The following BTG3 variants were observed in gnomAD, a reference collection of about 807,000 sequenced individuals.
BTG3 encodes protein BTG3.
A neutral mutation model predicts 25.8 loss-of-function variants in BTG3; 4 were observed. The ratio of observed to expected loss-of-function variants is 0.16; its 90% CI spans 0.08 to 0.36. The LOEUF (loss-of-function observed/expected upper bound fraction) is 0.36, where lower values mean the gene tolerates loss of function less well. Among genes scored for constraint, BTG3 ranks in the 10% least tolerant of loss-of-function variants. BTG3 has a pLI of 1.00. For synonymous variants in BTG3, 107 were observed against 99.9 expected (o/e 1.07, Z -0.42); for missense variants, 201 against 304.9 (o/e 0.66, Z 2.54).
At chr21:17,608,293 A>G (rs1191916381) in intron 2 of BTG3, among the ~76,000 whole-genome samples, 1 of 152,084 alleles carries the variant, frequency 6.6e-6, no homozygotes, top group Non-Finnish European at 1.5e-5. Flanking sequence ...GGATTGCTTG[A>G]GCCCAGGAGT....
intron 1 of BTG3, among the ~76,000 whole-genome samples, chr21:17,609,630 C>T (rs557439916): frequency 6.6e-6 from 1 of 152,338 alleles, no homozygotes; most frequent in East Asian, 1.9e-4. Flanking sequence ...AGGTTAAACA[C>T]AGAGTTATCA....
intron 2 of BTG3, 186 bp downstream of exon 2, chr21:17,608,786 A>T: frequency 3.8e-6 from 2 of 528,026 alleles, no homozygotes; most frequent in Non-Finnish European, 6.2e-6. Flanking sequence ...AGGCAGTGGG[A>T]CTCCACCACT....
intron 4 of BTG3, among the ~76,000 whole-genome samples, 161 bp downstream of exon 4, chr21:17,598,456 T>C (rs867135621): frequency 6.6e-6 from 1 of 152,174 alleles, no homozygotes; most frequent in Non-Finnish European, 1.5e-5. Flanking sequence ...AGGATGCCTA[T>C]TTACGTGCCA....
chr21:17,607,622 T>A (rs1379283019), intron 2 of BTG3, among the ~76,000 whole-genome samples: 1 of 151,898 alleles, frequency 6.6e-6, no homozygotes, highest in Non-Finnish European at 1.5e-5. Flanking sequence ...TTTAGACTCC[T>A]TGAATAGTGC....
rs146577864 is a variant in BTG3 at position 17,604,625 on chromosome 21, C to G, written c.311+235G>C. Reference sequence around the variant, plus strand: ...TCTTGGTCTACAATAAGCTTCTTGGCAAAGCACTACTAGAAAACCCCCGCC... The same window carrying G: ...TCTTGGTCTACAATAAGCTTCTTGGGAAAGCACTACTAGAAAACCCCCGCC... On this transcript the variant is annotated intron_variant, in intron 3 of 4. Coordinates refer to ENST00000348354, the MANE Select transcript of BTG3 (RefSeq NM_006806.5). Among the ~76,000 whole-genome samples, 125 of 152,270 alleles carry G rather than the reference C, an allele frequency of 8.2e-4. 1 individual carries two copies. Among genetic ancestry groups the G allele is most frequent in the African/African-American group, 2.7e-3 (114 of 41,540 alleles).
chr21:17,605,181 G>GA (rs2061622919), intron 2 of BTG3, 184 bp from the exon 3 acceptor site: 15 of 633,132 alleles, frequency 2.4e-5, no homozygotes, highest in South Asian at 2.1e-4. Context: ...GAGGCAGCCT[G>GA]AAAAAAAGAT....
chr21:17,599,132 T>C (rs923443924), intron 3 of BTG3: 2 of 267,272 alleles, frequency 7.5e-6, no homozygotes, highest in African/African-American at 4.5e-5. Flanking sequence ...TTTGATTACA[T>C]TTTTGTATGT....
chr21:17,612,470 C>T (rs1314448737), intron 1 of BTG3: 1 of 152,184 alleles, frequency 6.6e-6, no homozygotes, highest in Non-Finnish European at 1.5e-5. Flanking sequence ...TCCTCAGGCG[C>T]CCGCCGAGGG....
chr21:17,604,080 TAGG>T, intron 3 of BTG3: 2 of 1,216,806 alleles, frequency 1.6e-6, no homozygotes, highest in African/African-American at 1.6e-5. Context: ...CTCTATTCAT[TAGG>T]AGATGTGAAA....
At chr21:17,609,693 T>G (rs2061692600) in intron 1 of BTG3, among the ~76,000 whole-genome samples, 1 of 152,178 alleles carries the variant, frequency 6.6e-6, no homozygotes, top group East Asian at 1.9e-4. Flanking sequence ...AAAACATATG[T>G]CCACACCAAA....
chr21:17,596,066 T>A (rs1376952878), intron 4 of BTG3, among the ~76,000 whole-genome samples: 1 of 152,076 alleles, frequency 6.6e-6, no homozygotes, highest in African/African-American at 2.4e-5. Context: ...TTTATTCACA[T>A]CTTTTGCTCC....
rs764624005 is a variant in BTG3 at position 17,598,746 on chromosome 21, T to C, written c.390A>G (p.Lys130=). The C allele has an allele frequency of 3.7e-5, 59 of 1,614,184 alleles. No homozygotes were observed. The highest frequency in any genetic ancestry group is 4.3e-5 in the Non-Finnish European group (51 of 1,180,026). The change falls in exon 4 of 5, where the codon AAA becomes AAG. Residue 130 remains lysine (K), a synonymous_variant. Transcript: ENST00000348354. ...TAACCTTATCAAGGGCCCTGGTAAC[T>C]TTCCTGGAGATCTCATCCTTGTTCT... The part of the protein sequence containing the change: ...KDENKDEISR[K]VTRALDKVTS...
chr21:17,597,388 A>G (rs1228894998), intron 4 of BTG3, among the ~76,000 whole-genome samples: 6 of 151,850 alleles, frequency 4.0e-5, no homozygotes, highest in African/African-American at 7.3e-5. Context: ...TCACACAGAG[A>G]AAAAAAATGC....
At chr21:17,607,744 T>C (rs908836510) in intron 2 of BTG3, among the ~76,000 whole-genome samples, 2 of 152,212 alleles carry the variant, frequency 1.3e-5, no homozygotes, top group African/African-American at 2.4e-5. Context: ...TAAAAGAGTA[T>C]TTCTGTAGTT....
At chr21:17,599,410 G>T (rs1423362186) in intron 3 of BTG3, among the ~76,000 whole-genome samples, 1 of 151,022 alleles carries the variant, frequency 6.6e-6, no homozygotes, top group Non-Finnish European at 1.5e-5. Context: ...AAACTCCTAG[G>T]CTCAAGAGAT....
chr21:17,612,469 G>C (rs1203701529), intron 1 of BTG3: 1 of 151,486 alleles, frequency 6.6e-6, no homozygotes, highest in African/African-American at 2.5e-5. Flanking sequence ...TTCCTCAGGC[G>C]CCCGCCGAGG....
chr21:17,609,867 C>T (rs1305504179), intron 1 of BTG3, among the ~76,000 whole-genome samples: 1 of 151,718 alleles, frequency 6.6e-6, no homozygotes, highest in Non-Finnish European at 1.5e-5. Flanking sequence ...TATGGGTGAA[C>T]CTTGAACACA....
intron 3 of BTG3, 24 bp from the exon 4 acceptor site, chr21:17,598,848 C>G (rs754913941): frequency 2.5e-6 from 4 of 1,590,950 alleles, no homozygotes; most frequent in Non-Finnish European, 3.4e-6. Flanking sequence ...TAAAAACTTA[C>G]AAATCTTGAA....
intron 3 of BTG3, chr21:17,604,122 C>T (rs1366551252): frequency 2.3e-6 from 3 of 1,282,950 alleles, no homozygotes; most frequent in Admixed American, 5.1e-5. Context: ...AATAAAACCA[C>T]GAAGTATCAC....
Sources: allele counts gnomAD v4.1 joint callset (sites outside exome capture counted in the v4.1 genomes callset), GRCh38; gene constraint gnomAD v4.1.1; transcripts MANE v1.5; gene names NCBI Gene and HGNC (gene_info 2026-07-23, HGNC 2026-07-21).